Variants in PHEX observed in about 807,000 individuals in gnomAD.
PHEX encodes phosphate regulating endopeptidase X-linked.
A neutral mutation model predicts 68.0 loss-of-function variants in PHEX; 16 were observed. The observed-to-expected ratio is 0.24, with a 90% CI of 0.16 to 0.36. The LOEUF is 0.36. Ranked by LOEUF, PHEX falls within the 10% of genes least tolerant of loss-of-function variation. The pLI is 1.00. For missense variants in PHEX, 480 were observed against 575.5 expected, an observed-to-expected ratio of 0.83 and a Z score of 1.70; for synonymous variants, 208 against 205.1, an observed-to-expected ratio of 1.01 and a Z score of -0.12.
At chrX:22,205,506 G>T (rs1256838835) in intron 15 of PHEX, among the ~76,000 whole-genome samples, 3 of 111,203 alleles carry the variant, frequency 2.7e-5, no homozygotes, top group African/African-American at 9.8e-5. Context: ...CTGAAGACTG[G>T]CAGTGAAAGT....
chrX:22,059,185 G>A (rs12394222), intron 3 of PHEX, among the ~76,000 whole-genome samples: 1,330 of 111,625 alleles, frequency 0.012, 22 homozygotes, highest in African/African-American at 0.041. Flanking sequence ...CAAGAGGGCT[G>A]TCAATACAAT....
intron 3 of PHEX, among the ~76,000 whole-genome samples, chrX:22,068,425 C>G (rs1160407931): frequency 8.9e-6 from 1 of 111,985 alleles, no homozygotes; most frequent in Non-Finnish European, 1.9e-5. Context: ...GTGGAGAGAT[C>G]TGTCAGGGAA....
chrX:22,197,523 A>G (rs1934404812), intron 15 of PHEX, among the ~76,000 whole-genome samples: 1 of 110,945 alleles, frequency 9.0e-6, no homozygotes, highest in Non-Finnish European at 1.9e-5. Context: ...CCCCCTGCTC[A>G]TTAGGAGTAC....
intron 12 of PHEX, chrX:22,163,170 C>G (rs1168037310): frequency 2.7e-5 from 3 of 111,844 alleles, no homozygotes; most frequent in Non-Finnish European, 5.6e-5. Context: ...GGACTCGAGG[C>G]AGAAAGCATA....
chrX:22,055,346 C>T (rs928793261), intron 3 of PHEX, among the ~76,000 whole-genome samples: 9 of 110,117 alleles, frequency 8.2e-5, no homozygotes, highest in African/African-American at 2.6e-4. Context: ...TCACATGTAC[C>T]ACATAAATAT....
chrX:22,095,073 G>A (rs1435598680), intron 7 of PHEX, among the ~76,000 whole-genome samples: 1 of 111,582 alleles, frequency 9.0e-6, no homozygotes, highest in Non-Finnish European at 1.9e-5. Context: ...TTTGTTTGGC[G>A]AGGTGGTGGT....
intron 3 of PHEX, among the ~76,000 whole-genome samples, chrX:22,071,050 C>T (rs1402007454): frequency 1.8e-5 from 2 of 111,853 alleles, no homozygotes; most frequent in Admixed American, 9.5e-5. Flanking sequence ...CCTCAAGGGC[C>T]TCATCCTTCC....
At chrX:22,192,605 C>A (rs867409792) in intron 15 of PHEX, among the ~76,000 whole-genome samples, 2 of 112,087 alleles carry the variant, frequency 1.8e-5, no homozygotes, top group Admixed American at 9.5e-5. Flanking sequence ...ATAGAGCACA[C>A]CTGACACGCT....
chrX:22,090,316 G>A, intron 5 of PHEX, 113 bp from the exon 6 acceptor site: 1 of 589,982 alleles, frequency 1.7e-6, no homozygotes, highest in East Asian at 3.4e-5. Context: ...TTTTTGTAAT[G>A]GTGACATGAG....
chrX:22,224,983 A>AGG (rs1569433265), intron 18 of PHEX, among the ~76,000 whole-genome samples: 2 of 108,470 alleles, frequency 1.8e-5, no homozygotes, highest in African/African-American at 3.4e-5. Context: ...ATTATCATAC[A>AGG]GCTCTGTATG....
chrX:22,182,798 C>G (rs1166398423), intron 14 of PHEX, among the ~76,000 whole-genome samples: 4 of 111,820 alleles, frequency 3.6e-5, no homozygotes, highest in Non-Finnish European at 7.5e-5. Flanking sequence ...GATTTCCCAG[C>G]CAGCCTTTTT....
At chrX:22,196,160 CAG>C (rs201916184) in intron 15 of PHEX, among the ~76,000 whole-genome samples, 1,558 of 111,918 alleles carry the variant, frequency 0.014, 28 homozygotes, top group African/African-American at 0.047. Context: ...GCCTGGGTGA[CAG>C]AGCAAGATCC....
At position 22,113,005 on chromosome X, in the gene PHEX, T is replaced by TTGTGTGTGTG. The variant is rs560422828; in HGVS notation, c.1174-1413_1174-1404dup. ...GGTTAAGATACAAAACAAGTAGGTT[T>TTGTGTGTGTG]TGTGTGTGTGTGTGTGTGTGTGTGT... On this transcript the variant is annotated intron_variant, in intron 10 of 21. Transcript: ENST00000379374. 3.1e-3 allele frequency among the ~76,000 whole-genome samples: 274 copies of TTGTGTGTGTG among 88,667 alleles called. 1 individual carries two copies. The highest frequency in any genetic ancestry group is 3.7e-3 in the African/African-American group (94 of 25,654). The allele number at this position is 88,667 out of a possible 115,157, so 77.0% of individuals were successfully genotyped here.
chrX:22,166,317 G>A (rs1421247071), intron 12 of PHEX, among the ~76,000 whole-genome samples: 1 of 111,023 alleles, frequency 9.0e-6, no homozygotes, highest in Non-Finnish European at 1.9e-5. Flanking sequence ...ATAAAATATA[G>A]GCTTGTTAAC....
intron 2 of PHEX, among the ~76,000 whole-genome samples, chrX:22,040,807 C>T (rs765606088): frequency 9.2e-6 from 1 of 108,913 alleles, no homozygotes; most frequent in African/African-American, 3.4e-5. Flanking sequence ...TGCTCGAAAG[C>T]CTCTGGAGGC....
At chrX:22,112,260 A>G (rs1602304556) in intron 10 of PHEX, among the ~76,000 whole-genome samples, 1 of 111,049 alleles carries the variant, frequency 9.0e-6, no homozygotes, top group East Asian at 2.8e-4. Context: ...GATTAAAGGC[A>G]CGAGCCACTG....
chrX:22,127,480 T>A (rs1161285556), intron 11 of PHEX, among the ~76,000 whole-genome samples: 1 of 111,686 alleles, frequency 9.0e-6, no homozygotes, highest in African/African-American at 3.3e-5. Flanking sequence ...AAGGCAATGT[T>A]ATTATGTGAT....
chrX:22,182,400 G>A (rs2885529), intron 14 of PHEX, among the ~76,000 whole-genome samples: 19,061 of 110,831 alleles, frequency 0.17, 1,555 homozygotes, highest in Non-Finnish European at 0.25. Context: ...CACAATCACC[G>A]TACTCTCCTT....
At chrX:22,211,318 C>G (rs748265920) in intron 15 of PHEX, among the ~76,000 whole-genome samples, 26 of 112,176 alleles carry the variant, frequency 2.3e-4, no homozygotes, top group Non-Finnish European at 3.8e-5. Context: ...CTTGCCCTAT[C>G]TTTCATGGGC....
Sources: allele counts gnomAD v4.1 joint callset (sites outside exome capture counted in the v4.1 genomes callset), GRCh38; gene constraint gnomAD v4.1.1; transcripts MANE v1.5; gene names NCBI Gene and HGNC (gene_info 2026-07-23, HGNC 2026-07-21).